KLHL28: variants seen among roughly 807,000 people sequenced by gnomAD.
KLHL28 encodes kelch like family member 28.
Under a neutral mutation model 48.3 loss-of-function variants are expected in KLHL28, and 22 were observed. The observed-to-expected ratio is 0.46, with a 90% confidence interval of 0.33 to 0.65. The LOEUF is 0.65. Ranked by LOEUF, KLHL28 falls within the 30% of genes least tolerant of loss-of-function variation. KLHL28 has a pLI of 0.03. For missense variants in KLHL28, 527 were observed against 704.3 expected, an observed-to-expected ratio of 0.75 and a Z score of 2.85; for synonymous variants, 243 against 242.4, an observed-to-expected ratio of 1.00 and a Z score of -0.02.
At position 44,954,602 on chromosome 14, in the gene KLHL28, C is replaced by T. The variant is rs553566511; in HGVS notation, c.-1+7244G>A. Among the ~76,000 whole-genome samples, 14 of 151,810 alleles carry T rather than the reference C, an allele frequency of 9.2e-5. No homozygotes were observed. In the South Asian group the frequency reaches 2.5e-3, roughly 27 times the overall value. Reference sequence around the variant, plus strand: ...TGTTTAGTGTGTCACCATTTATCTACGATAGGGAAGATTACAAACATACAT... The same window carrying T: ...TGTTTAGTGTGTCACCATTTATCTATGATAGGGAAGATTACAAACATACAT... On this transcript the variant is annotated intron_variant, in intron 1 of 4. Transcript: ENST00000396128.
At chr14:44,941,116 G>T (rs898988279) in intron 2 of KLHL28, among the ~76,000 whole-genome samples, 5 of 151,564 alleles carry the variant, frequency 3.3e-5, no homozygotes, top group Non-Finnish European at 7.4e-5. Flanking sequence ...GCGAGATGCC[G>T]TCTCCAAATA....
chr14:44,941,987 C>CA (rs1408846300), intron 2 of KLHL28, among the ~76,000 whole-genome samples: 1 of 152,184 alleles, frequency 6.6e-6, no homozygotes, highest in African/African-American at 2.4e-5. Context: ...AGTTTTAATT[C>CA]ATACCTCTAA....
At chr14:44,954,746 A>C (rs1255750756) in intron 1 of KLHL28, among the ~76,000 whole-genome samples, 2 of 152,224 alleles carry the variant, frequency 1.3e-5, no homozygotes, top group Non-Finnish European at 2.9e-5. Context: ...ATTTTTGAAT[A>C]TACTCTGTTT....
chr14:44,960,937 G>A, intron 1 of KLHL28: 1 of 1,522,354 alleles, frequency 6.6e-7, no homozygotes. Context: ...ATAAATTTGG[G>A]TCTTCAAATG....
At chr14:44,942,137 C>G (rs1884127801) in intron 2 of KLHL28, among the ~76,000 whole-genome samples, 1 of 152,134 alleles carries the variant, frequency 6.6e-6, no homozygotes, top group East Asian at 1.9e-4. Context: ...CAAAACTCTT[C>G]CCCTGAAAGT....
Position 44,929,005 on chromosome 14 carries a change from C to T in KLHL28, c.*23G>A. ...ATGCAGTACAAGTTTCACCACCATA[C>T]TATTTCCGAGAGTTCACATTTGTCA... On this transcript the variant is annotated 3_prime_UTR_variant, in exon 5 of 5. Coordinates refer to ENST00000396128, the MANE Select transcript of KLHL28 (RefSeq NM_017658.5). 1.2e-6 allele frequency: 2 copies of T among 1,611,110 alleles called. No individual in the cohort carries two copies. The highest frequency in any genetic ancestry group is 1.7e-6 in the Non-Finnish European group (2 of 1,177,948).
Position 44,945,923 on chromosome 14 carries a change from G to C in KLHL28, c.6C>G (p.Asp2Glu), listed in dbSNP as rs774311898. 1 of 1,608,546 alleles carries C rather than the reference G, an allele frequency of 6.2e-7. No homozygotes were observed. Among genetic ancestry groups the C allele is most frequent in the African/African-American group, 1.3e-5 (1 of 74,748 alleles). M[D>E]HTSPTYMLAN... The stretch of plus-strand genomic sequence containing the variant: ...CAAGCATGTAGGTCGGGGATGTGTG[G>C]TCCATCTACAGAAAAATAAAAAAGC... Residue 2 changes from aspartate (D) to glutamate (E), a missense_variant, in exon 2 of 5, where the codon GAC (aspartate) becomes GAG (glutamate). Asp to Glu is a conservative substitution (Grantham distance 45, BLOSUM62 2). Coordinates refer to ENST00000396128, the MANE Select transcript of KLHL28 (RefSeq NM_017658.5).
chr14:44,935,010 G>A (rs1207945637), intron 2 of KLHL28, among the ~76,000 whole-genome samples: 1 of 152,130 alleles, frequency 6.6e-6, no homozygotes, highest in Non-Finnish European at 1.5e-5. Flanking sequence ...AAAAAGGCAT[G>A]CATACATATA....
rs1426853275 is a variant in KLHL28, at chr14:44,927,292, T to C, written c.*1736A>G. On this transcript the variant is annotated 3_prime_UTR_variant, in exon 5 of 5. Coordinates refer to ENST00000396128, the MANE Select transcript of KLHL28 (RefSeq NM_017658.5). Reference sequence around the variant, plus strand: ...CAGTTTATGGAAGAACAAAGAACTGTAAATTGCCCGGCTATAGTATTCAAG... The same window carrying C: ...CAGTTTATGGAAGAACAAAGAACTGCAAATTGCCCGGCTATAGTATTCAAG... 1.3e-5 allele frequency: 2 copies of C among 152,618 alleles called. No individual in the cohort carries two copies. Among genetic ancestry groups the C allele is most frequent in the Admixed American group, 1.3e-4 (2 of 15,278 alleles). The allele number at this position is 152,618 out of a possible 1,614,324, so 9.5% of individuals were successfully genotyped here.
At chr14:44,941,030 G>C (rs906166561) in intron 2 of KLHL28, among the ~76,000 whole-genome samples, 3 of 152,082 alleles carry the variant, frequency 2.0e-5, no homozygotes, top group Non-Finnish European at 2.9e-5. Context: ...AACTCAGGAG[G>C]CAGAGGTTGC....
chr14:44,950,612 G>A (rs1463985166), intron 1 of KLHL28, among the ~76,000 whole-genome samples: 1 of 152,060 alleles, frequency 6.6e-6, no homozygotes. Flanking sequence ...TTAAGAGACT[G>A]GGCTTTGGTA....
In KLHL28 at chr14:44,945,929, C is replaced by T; in HGVS notation, c.1-1G>A. The T allele has an allele frequency of 6.2e-7, 1 of 1,605,240 alleles. No homozygotes were observed. Among genetic ancestry groups the T allele is most frequent in the Non-Finnish European group, 8.5e-7 (1 of 1,173,930 alleles). On this transcript the variant is annotated splice_acceptor_variant, in intron 1 of 4. Coordinates refer to ENST00000396128, the MANE Select transcript of KLHL28 (RefSeq NM_017658.5). LOFTEE classifies it low-confidence loss of function (5UTR_SPLICE). ...TGTAGGTCGGGGATGTGTGGTCCAT[C>T]TACAGAAAAATAAAAAAGCATAGAC...
Position 44,928,013 on chromosome 14 carries a change from CAA to C in KLHL28, c.*1013_*1014del, listed in dbSNP as rs1341248265. Reference sequence around the variant, plus strand: ...CAAATGAATCAAGCCATTAAAAATGCAAAAGACTATCAAAACATGTCATGCAT... The same window carrying C: ...CAAATGAATCAAGCCATTAAAAATGCAAGACTATCAAAACATGTCATGCAT... On this transcript the variant is annotated 3_prime_UTR_variant, in exon 5 of 5. Coordinates refer to ENST00000396128, the MANE Select transcript of KLHL28 (RefSeq NM_017658.5). The C allele has an allele frequency of 6.6e-6, 1 of 152,480 alleles. No homozygotes were observed. Among genetic ancestry groups the C allele is most frequent in the Admixed American group, 6.6e-5 (1 of 15,250 alleles). 9.4% of individuals were successfully genotyped at this position (152,480 alleles called of 1,614,324 possible).
Position 44,952,762 on chromosome 14 carries a change from C to T in KLHL28, c.1-6834G>A, listed in dbSNP as rs573675984. 5.2e-3 allele frequency among the ~76,000 whole-genome samples: 792 copies of T among 152,262 alleles called. 9 individuals are homozygous for T. The highest frequency in any genetic ancestry group is 0.018 in the African/African-American group (734 of 41,546). On this transcript the variant is annotated intron_variant, in intron 1 of 4. Transcript: ENST00000396128. ...GTGACTATATTTGGTTCTCAGCTAT[C>T]TACCCATAAATGGCTAAAAAAAGTA...
intron 1 of KLHL28, among the ~76,000 whole-genome samples, chr14:44,954,510 G>A (rs112905747): frequency 3.0e-4 from 46 of 152,150 alleles, no homozygotes; most frequent in Non-Finnish European, 6.0e-4. Flanking sequence ...ACTATACAGC[G>A]ATGAAAAGGA....
chr14:44,931,621 A>T, intron 3 of KLHL28, 80 bp from the exon 4 acceptor site: 6 of 1,002,084 alleles, frequency 6.0e-6, no homozygotes, highest in Non-Finnish European at 8.9e-6. Flanking sequence ...AACCCACTAC[A>T]GCTTTAAAAG....
At chr14:44,933,648 C>T (rs1452563360) in intron 3 of KLHL28, among the ~76,000 whole-genome samples, 1 of 151,936 alleles carries the variant, frequency 6.6e-6, no homozygotes, top group African/African-American at 2.4e-5. Flanking sequence ...AGTCAAATAC[C>T]TGATGATACA....
At chr14:44,947,245 C>T (rs1411034213) in intron 1 of KLHL28, among the ~76,000 whole-genome samples, 1 of 152,112 alleles carries the variant, frequency 6.6e-6, no homozygotes, top group East Asian at 1.9e-4. Flanking sequence ...GTGCTGCAGC[C>T]ACAAACCAAG....
chr14:44,955,464 C>T (rs1345680544), intron 1 of KLHL28, among the ~76,000 whole-genome samples: 1 of 151,992 alleles, frequency 6.6e-6, no homozygotes, highest in Non-Finnish European at 1.5e-5. Context: ...TAGCTGATAC[C>T]ATGTCTGGGG....
Sources: gnomAD v4.1 joint callset for allele counts (sites outside exome capture counted in the v4.1 genomes callset) on GRCh38, gnomAD v4.1.1 for gene constraint, MANE v1.5 for transcripts, NCBI Gene and HGNC (gene_info 2026-07-23, HGNC 2026-07-21) for gene names.